The following CADM2 variants were observed in gnomAD, a reference collection of about 807,000 sequenced individuals.
CADM2 encodes the protein cell adhesion molecule 2.
CADM2 carries 12 observed loss-of-function variants against 49.8 expected under a neutral mutation model. The observed-to-expected ratio is 0.24, with a 90% CI of 0.15 to 0.39. CADM2 has a LOEUF of 0.39. Among genes scored for constraint, CADM2 ranks in the 10% least tolerant of loss-of-function variants. The pLI, the probability that CADM2 is intolerant of heterozygous loss-of-function variation, is 1.00. For missense variants in CADM2, 378 were observed against 492.3 expected, an observed-to-expected ratio of 0.77 and a Z score of 2.20; for synonymous variants, 214 against 175.4, an observed-to-expected ratio of 1.22 and a Z score of -1.74.
intron 3 of CADM2, among the ~76,000 whole-genome samples, chr3:85,851,198 A>C: frequency 6.6e-6 from 1 of 152,316 alleles, no homozygotes; most frequent in South Asian, 2.1e-4. Flanking sequence ...ATTTATAATT[A>C]AATGAGCTAT....
At chr3:86,041,631 T>C (rs988255860) in intron 8 of CADM2, among the ~76,000 whole-genome samples, 1 of 152,082 alleles carries the variant, frequency 6.6e-6, no homozygotes, top group Non-Finnish European at 1.5e-5. Flanking sequence ...ACAATAATAA[T>C]GGGAGACTTT....
chr3:85,292,864 A>G (rs1205142516), intron 1 of CADM2, among the ~76,000 whole-genome samples: 1 of 152,146 alleles, frequency 6.6e-6, no homozygotes, highest in Non-Finnish European at 1.5e-5. Context: ...ACACCCTAAC[A>G]TCACAATTAA....
At chr3:85,725,957 G>A (rs2067681513) in intron 1 of CADM2, among the ~76,000 whole-genome samples, 1 of 151,944 alleles carries the variant, frequency 6.6e-6, no homozygotes, top group African/African-American at 2.4e-5. Flanking sequence ...CTGCTTTCCA[G>A]ATGTGTCATC....
intron 1 of CADM2, among the ~76,000 whole-genome samples, chr3:85,059,383 A>G (rs2036215670): frequency 6.6e-6 from 1 of 152,090 alleles, no homozygotes; most frequent in South Asian, 2.1e-4. Flanking sequence ...AGGAAGTGAA[A>G]GATATCAGAG....
intron 1 of CADM2, among the ~76,000 whole-genome samples, chr3:85,127,196 C>T (rs2039066112): frequency 6.6e-6 from 1 of 152,076 alleles, no homozygotes; most frequent in Admixed American, 6.6e-5. Context: ...AGGCTTTATG[C>T]TTATGTGTGG....
intron 1 of CADM2, among the ~76,000 whole-genome samples, chr3:85,116,679 T>C (rs2038651042): frequency 6.6e-6 from 1 of 152,164 alleles, no homozygotes; most frequent in South Asian, 2.1e-4. Context: ...TTCGGTGCTA[T>C]AGGCAACCCT....
At chr3:85,906,980 G>T (rs999227333) in intron 5 of CADM2, among the ~76,000 whole-genome samples, 7 of 152,282 alleles carry the variant, frequency 4.6e-5, no homozygotes, top group African/African-American at 1.4e-4. Context: ...AGTTAAGAAA[G>T]AAATAATGGG....
chr3:85,590,491 G>A (rs2063075677), intron 1 of CADM2, among the ~76,000 whole-genome samples: 1 of 151,904 alleles, frequency 6.6e-6, no homozygotes, highest in Non-Finnish European at 1.5e-5. Context: ...AGAGTGTTTT[G>A]AAAGAAGACT....
intron 1 of CADM2, among the ~76,000 whole-genome samples, chr3:85,291,955 A>C (rs2043810508): frequency 6.6e-6 from 1 of 152,126 alleles, no homozygotes; most frequent in Non-Finnish European, 1.5e-5. Context: ...CTTTAAATGT[A>C]AATGGACTAA....
chr3:85,552,366 G>GTGTTTTTTTTT (rs2061828186), intron 1 of CADM2, among the ~76,000 whole-genome samples: 13 of 87,574 alleles, frequency 1.5e-4, no homozygotes, highest in Middle Eastern at 8.3e-3. Flanking sequence ...ACTTTGAAAA[G>GTGTTTTTTTTT]TTTTTTTTTT....
intron 1 of CADM2, among the ~76,000 whole-genome samples, chr3:85,336,773 A>G (rs1198709975): frequency 6.7e-6 from 1 of 149,700 alleles, no homozygotes; most frequent in Non-Finnish European, 1.5e-5. Context: ...AAACATTTAG[A>G]GTTCTCAATC....
chr3:85,506,500 C>G (rs1469933159), intron 1 of CADM2, among the ~76,000 whole-genome samples: 1 of 152,046 alleles, frequency 6.6e-6, no homozygotes, highest in Admixed American at 6.6e-5. Context: ...AAAATGAACA[C>G]AGCATAAATT....
intron 8 of CADM2, among the ~76,000 whole-genome samples, chr3:86,042,046 A>G (rs1294548587): frequency 6.6e-6 from 1 of 152,236 alleles, no homozygotes; most frequent in East Asian, 1.9e-4. Context: ...CAAAGACACA[A>G]CATACCAGAA....
chr3:85,983,203 T>C (rs2108676400), intron 8 of CADM2, among the ~76,000 whole-genome samples: 1 of 151,758 alleles, frequency 6.6e-6, no homozygotes, highest in East Asian at 1.9e-4. Flanking sequence ...TGTCATAAAC[T>C]TGAGAATTTG....
intron 1 of CADM2, among the ~76,000 whole-genome samples, chr3:85,169,107 C>A (rs2040551455): frequency 6.6e-6 from 1 of 152,036 alleles, no homozygotes; most frequent in African/African-American, 2.4e-5. Flanking sequence ...CGCCCACCAC[C>A]AAGCCCAGCT....
intron 1 of CADM2, among the ~76,000 whole-genome samples, chr3:85,657,751 T>C (rs1338760913): frequency 9.5e-6 from 1 of 105,666 alleles, no homozygotes; most frequent in African/African-American, 3.1e-5. Context: ...CAGATATATA[T>C]ATATACACAG....
At chr3:85,081,417 C>A (rs1221789565) in intron 1 of CADM2, among the ~76,000 whole-genome samples, 1 of 152,068 alleles carries the variant, frequency 6.6e-6, no homozygotes, top group Non-Finnish European at 1.5e-5. Flanking sequence ...ATTCTGATGA[C>A]CTCATTTTGA....
chr3:85,612,928 G>A (rs1193210701), intron 1 of CADM2, among the ~76,000 whole-genome samples: 2 of 151,642 alleles, frequency 1.3e-5, no homozygotes, highest in Admixed American at 6.6e-5. Context: ...AATTTTCACT[G>A]TGACCACTCA....
At chr3:85,893,130 T>C (rs1424848165) in intron 5 of CADM2, among the ~76,000 whole-genome samples, 1 of 151,970 alleles carries the variant, frequency 6.6e-6, no homozygotes, top group African/African-American at 2.4e-5. Flanking sequence ...TAATTTAGAG[T>C]ATATGGCAGA....
Sources: allele counts gnomAD v4.1 joint callset (sites outside exome capture counted in the v4.1 genomes callset), GRCh38; gene constraint gnomAD v4.1.1; transcripts MANE v1.5; gene names NCBI Gene and HGNC (gene_info 2026-07-23, HGNC 2026-07-21).